Variants in AXDND1 observed in about 807,000 individuals in gnomAD.
AXDND1 encodes the protein axonemal dynein light chain domain containing 1.
In AXDND1, 110 loss-of-function variants were observed where a neutral mutation model predicts 137.5. The observed-to-expected ratio is 0.80, with a 90% CI of 0.69 to 0.94. The LOEUF is 0.94. AXDND1 is among the 40% of genes least tolerant of loss of function. The pLI is 0.00. For missense variants in AXDND1, 1,191 were observed against 1,169.8 expected, an observed-to-expected ratio of 1.02 and a Z score of -0.26; for synonymous variants, 414 against 399.7, an observed-to-expected ratio of 1.04 and a Z score of -0.43.
intron 12 of AXDND1, among the ~76,000 whole-genome samples, chr1:179,429,162 G>A (rs900806270): frequency 2.1e-5 from 3 of 145,254 alleles, no homozygotes; most frequent in Non-Finnish European, 3.0e-5. Context: ...GGGTGACAGA[G>A]CAAGACACTG....
intron 21 of AXDND1, among the ~76,000 whole-genome samples, chr1:179,516,573 T>G (rs1196957134): frequency 6.6e-6 from 1 of 152,208 alleles, no homozygotes; most frequent in Non-Finnish European, 1.5e-5. Flanking sequence ...TTCCTTCTCA[T>G]TTGGGTAGGC....
intron 23 of AXDND1, among the ~76,000 whole-genome samples, chr1:179,529,618 C>G (rs951324134): frequency 6.6e-6 from 1 of 152,070 alleles, no homozygotes; most frequent in African/African-American, 2.4e-5. Context: ...GCAAAGGTGG[C>G]CTTGTTATGT....
chr1:179,412,271 C>G (rs1654014567), intron 12 of AXDND1, among the ~76,000 whole-genome samples: 1 of 152,118 alleles, frequency 6.6e-6, no homozygotes, highest in African/African-American at 2.4e-5. Flanking sequence ...TTCTATATTT[C>G]TAAAATATTT....
intron 25 of AXDND1, among the ~76,000 whole-genome samples, chr1:179,542,089 G>A (rs1293660552): frequency 5.3e-5 from 8 of 152,140 alleles, no homozygotes; most frequent in Non-Finnish European, 1.0e-4. Flanking sequence ...TTTTTGGTAC[G>A]TGTTTGACTT....
rs1012951084 is a variant in AXDND1, at chr1:179,411,216, G to A, written c.1180G>A (p.Val394Met). 6.2e-7 allele frequency: 1 copy of A among 1,612,764 alleles called. No individual in the cohort carries two copies. Among genetic ancestry groups the A allele is most frequent in the Non-Finnish European group, 8.5e-7 (1 of 1,179,570 alleles). Residue 394 changes from valine to methionine, a missense_variant, in exon 12 of 26, where the codon GTG becomes ATG. Transcript: ENST00000367618. ...ERMENDMKKL[V>M]AERDIWSSAT... is the part of the protein sequence containing the mutation. Reference sequence around the variant, plus strand: ...GATGGAGAATGATATGAAAAAGTTAGTGGCAGAAAGAGATATCTGGAGCTC... The same window carrying A: ...GATGGAGAATGATATGAAAAAGTTAATGGCAGAAAGAGATATCTGGAGCTC...
intron 11 of AXDND1, among the ~76,000 whole-genome samples, chr1:179,397,527 G>T (rs1651254209): frequency 1.3e-5 from 2 of 152,210 alleles, no homozygotes; most frequent in South Asian, 2.1e-4. Context: ...TTGAATGTTG[G>T]TCTCTCTACC....
intron 22 of AXDND1, among the ~76,000 whole-genome samples, chr1:179,525,922 C>G (rs1381950206): frequency 6.6e-6 from 1 of 152,024 alleles, no homozygotes; most frequent in Non-Finnish European, 1.5e-5. Context: ...TAGATTTAGC[C>G]AAACCTGCAG....
intron 11 of AXDND1, among the ~76,000 whole-genome samples, chr1:179,404,534 G>C (rs1158842265): frequency 1.3e-5 from 2 of 151,976 alleles, no homozygotes; most frequent in African/African-American, 4.8e-5. Flanking sequence ...GCTTTATCAA[G>C]TTGTCACAAA....
chr1:179,414,704 T>C (rs12407502), intron 12 of AXDND1, among the ~76,000 whole-genome samples: 44,664 of 152,076 alleles, frequency 0.29, 6,776 homozygotes, highest in Non-Finnish European at 0.31. Context: ...GGATTACAAG[T>C]GTGAGCCACC....
rs1484983290 is a variant in AXDND1, at chr1:179,406,936, T to A, written c.1110-4210T>A. Among the ~76,000 whole-genome samples the A allele has an allele frequency of 2.0e-5, 3 of 152,298 alleles. No homozygotes were observed. In the East Asian group the frequency reaches 5.8e-4, roughly 29 times the overall value. On this transcript the variant is annotated intron_variant, in intron 11 of 25. Transcript: ENST00000367618. ...ATTATTTTGTATAGCTTTTTCTCCT[T>A]TCCTCTTATTTTATTGTTTATCATT...
At chr1:179,416,619 T>C (rs959719444) in intron 12 of AXDND1, among the ~76,000 whole-genome samples, 1 of 152,218 alleles carries the variant, frequency 6.6e-6, no homozygotes, top group Non-Finnish European at 1.5e-5. Context: ...GTCAAGTGAA[T>C]GCCTCCTGAT....
At chr1:179,419,446 C>T (rs1655306004) in intron 12 of AXDND1, among the ~76,000 whole-genome samples, 1 of 148,862 alleles carries the variant, frequency 6.7e-6, no homozygotes, top group South Asian at 2.2e-4. Flanking sequence ...ACCCCGTCTC[C>T]ACCAAAAAAA....
intron 23 of AXDND1, among the ~76,000 whole-genome samples, 169 bp from the exon 24 acceptor site, chr1:179,533,626 C>CTTTTTTT (rs66461504): frequency 1.5e-5 from 2 of 136,236 alleles, no homozygotes. Flanking sequence ...GAGACAATCC[C>CTTTTTTT]TTTTTTTTTT....
At chr1:179,538,788 G>T (rs1289887830) in intron 25 of AXDND1, among the ~76,000 whole-genome samples, 2 of 151,508 alleles carry the variant, frequency 1.3e-5, no homozygotes. Context: ...TATTAACAGT[G>T]GGGTGTTAAA....
At chr1:179,447,478 A>G in intron 16 of AXDND1, 1 of 450,416 alleles carries the variant, frequency 2.2e-6, no homozygotes, top group Non-Finnish European at 3.9e-6. Flanking sequence ...TTTGAATGGA[A>G]ATATTCATTA....
chr1:179,497,139 T>G (rs1403218267), intron 20 of AXDND1, among the ~76,000 whole-genome samples: 4 of 152,136 alleles, frequency 2.6e-5, no homozygotes, highest in East Asian at 1.9e-4. Flanking sequence ...AACTGTTCCA[T>G]GTACAATTGA....
chr1:179,368,618 A>G (rs1667709901), intron 2 of AXDND1, among the ~76,000 whole-genome samples, 182 bp from the exon 3 acceptor site: 1 of 152,180 alleles, frequency 6.6e-6, no homozygotes, highest in African/African-American at 2.4e-5. Context: ...GGCAAGATGA[A>G]TGTTATTTTC....
intron 15 of AXDND1, among the ~76,000 whole-genome samples, chr1:179,434,234 A>G (rs1198812453): frequency 6.6e-6 from 1 of 152,070 alleles, no homozygotes; most frequent in Non-Finnish European, 1.5e-5. Flanking sequence ...AAAAAAAGCC[A>G]AGGACCACAC....
Position 179,509,421 on chromosome 1 carries a change from G to A in AXDND1, c.2496+18G>A, listed in dbSNP as rs759472591. ...TTGAAGAGGTATTTGCCACATGTTAGCGTTGGTCATTATTCAGATTATTCC... is the reference window on the plus strand; with the variant it reads ...TTGAAGAGGTATTTGCCACATGTTAACGTTGGTCATTATTCAGATTATTCC... On this transcript the variant is annotated intron_variant, in intron 21 of 25. Transcript: ENST00000367618. 20 of 1,462,290 alleles carry A rather than the reference G, an allele frequency of 1.4e-5. No homozygotes were observed. The East Asian group carries it at 1.6e-4, about 12-fold the overall frequency. The allele number at this position is 1,462,290 out of a possible 1,614,324, so 90.6% of individuals were successfully genotyped here. A position where few individuals can be genotyped will look rare whatever the true frequency, so the allele number is the denominator to read the frequency against.
Sources: allele counts gnomAD v4.1 joint callset (sites outside exome capture counted in the v4.1 genomes callset), GRCh38; gene constraint gnomAD v4.1.1; transcripts MANE v1.5; gene names NCBI Gene and HGNC (gene_info 2026-07-23, HGNC 2026-07-21).